SYT9: variants seen among roughly 807,000 people sequenced by gnomAD.
SYT9 encodes synaptotagmin 9.
Under a neutral mutation model 48.4 loss-of-function variants are expected in SYT9, and 22 were observed. The observed-to-expected ratio is 0.45, with a 90% CI of 0.32 to 0.65. The LOEUF is 0.65. Ranked by LOEUF, SYT9 falls within the 30% of genes least tolerant of loss-of-function variation. The probability of loss-of-function intolerance (pLI) is 0.03; values close to 1 mark genes in which losing one functional copy is unlikely to be tolerated. For synonymous variants in SYT9, 265 were observed against 245.0 expected (o/e 1.08, Z -0.76); for missense variants, 577 against 622.0 (o/e 0.93, Z 0.77).
intron 6 of SYT9, chr11:7,444,400 T>G (rs537880702): frequency 5.3e-5 from 8 of 152,328 alleles, no homozygotes; most frequent in African/African-American, 1.9e-4. Context: ...CTGCAATGTA[T>G]TTTGCTTAAA....
intron 1 of SYT9, among the ~76,000 whole-genome samples, chr11:7,291,238 G>C (rs1848691986): frequency 6.6e-6 from 1 of 152,188 alleles, no homozygotes; most frequent in South Asian, 2.1e-4. Flanking sequence ...GCTGGGAAGA[G>C]AGTGGAGGAG....
chr11:7,245,763 T>G (rs565280760), intron 1 of SYT9, among the ~76,000 whole-genome samples: 1 of 152,156 alleles, frequency 6.6e-6, no homozygotes, highest in Non-Finnish European at 1.5e-5. Flanking sequence ...ACAGCATAAT[T>G]CTACCCATGC....
At chr11:7,338,804 G>A (rs891389387) in intron 3 of SYT9, among the ~76,000 whole-genome samples, 1 of 152,074 alleles carries the variant, frequency 6.6e-6, no homozygotes, top group Non-Finnish European at 1.5e-5. Flanking sequence ...GTAGTGATGA[G>A]AAGAATATAT....
chr11:7,295,603 C>T (rs1848786953), intron 1 of SYT9, among the ~76,000 whole-genome samples: 2 of 152,160 alleles, frequency 1.3e-5, no homozygotes, highest in African/African-American at 4.8e-5. Flanking sequence ...GCAGTGTAAG[C>T]TTTTTCAAGC....
At chr11:7,431,536 G>C (rs1046113385) in intron 6 of SYT9, among the ~76,000 whole-genome samples, 2 of 152,238 alleles carry the variant, frequency 1.3e-5, no homozygotes, top group African/African-American at 4.8e-5. Flanking sequence ...AGGGAGCCAG[G>C]TGCTAACATC....
intron 3 of SYT9, among the ~76,000 whole-genome samples, chr11:7,387,297 TTAAAG>T (rs1307661364): frequency 1.3e-5 from 2 of 151,814 alleles, no homozygotes; most frequent in East Asian, 3.9e-4. Flanking sequence ...ACCCTAAAAC[TTAAAG>T]TATAATAAAA....
chr11:7,426,835 A>G (rs1847467024), intron 6 of SYT9, among the ~76,000 whole-genome samples: 1 of 152,164 alleles, frequency 6.6e-6, no homozygotes, highest in South Asian at 2.1e-4. Flanking sequence ...TCCTCTCAGC[A>G]TGTAAGGAAA....
At chr11:7,418,217 C>G in intron 5 of SYT9, 89 bp downstream of exon 5, 2 of 1,427,488 alleles carry the variant, frequency 1.4e-6, no homozygotes, top group African/African-American at 1.4e-5. Flanking sequence ...AGATTCTTAC[C>G]TGGTGTCCCA....
chr11:7,300,172 C>G (rs1848892976), intron 1 of SYT9, among the ~76,000 whole-genome samples: 1 of 151,228 alleles, frequency 6.6e-6, no homozygotes. Context: ...ACTTAATACA[C>G]TAAATATTTA....
chr11:7,281,548 A>G (rs375719472), intron 1 of SYT9, among the ~76,000 whole-genome samples: 1 of 152,164 alleles, frequency 6.6e-6, no homozygotes, highest in Non-Finnish European at 1.5e-5. Flanking sequence ...TCAGTTTGCA[A>G]TTAAAATTCG....
intron 3 of SYT9, among the ~76,000 whole-genome samples, chr11:7,395,433 G>C (rs1846733793): frequency 6.6e-6 from 1 of 152,010 alleles, no homozygotes; most frequent in African/African-American, 2.4e-5. Flanking sequence ...TCTGTCTAAT[G>C]CTTCTTGGTG....
At position 7,303,136 on chromosome 11, in the gene SYT9, G is replaced by T; in HGVS notation, c.243G>T (p.Pro81=). ...TATCTTGGAAACTCTGCTGGGTTCCGTGGCGAGAACGAGGCCTGCCCTCTG... is the reference window on the plus strand; with the variant it reads ...TATCTTGGAAACTCTGCTGGGTTCCTTGGCGAGAACGAGGCCTGCCCTCTG... ...LFVSWKLCWV[P]WRERGLPSGS... is the part of the protein sequence containing the mutation. The change falls in exon 2 of 7, where the codon CCG becomes CCT. Residue 81 remains proline, a synonymous_variant. Transcript: ENST00000318881. 1.2e-6 allele frequency: 2 copies of T among 1,614,152 alleles called. No individual in the cohort carries two copies. Among genetic ancestry groups the T allele is most frequent in the Non-Finnish European group, 1.7e-6 (2 of 1,180,032 alleles).
At chr11:7,368,664 C>A (rs1028629982) in intron 3 of SYT9, among the ~76,000 whole-genome samples, 6 of 152,158 alleles carry the variant, frequency 3.9e-5, no homozygotes, top group African/African-American at 1.4e-4. Flanking sequence ...TGGCTTCCAG[C>A]TTCACCCATG....
Position 7,420,487 on chromosome 11 carries a change from T to C in SYT9, c.1338-19T>C, listed in dbSNP as rs1040919133. On this transcript the variant is annotated intron_variant, in intron 5 of 6. Coordinates refer to ENST00000318881, the MANE Select transcript of SYT9 (RefSeq NM_175733.4). Reference sequence around the variant, plus strand: ...ATACCAAAATTTTAAGAAAAAACTATTGTGGGCCATTTTCACAGTGTAGGT... The same window carrying C: ...ATACCAAAATTTTAAGAAAAAACTACTGTGGGCCATTTTCACAGTGTAGGT... 6.2e-7 allele frequency: 1 copy of C among 1,613,336 alleles called. No homozygotes were observed. The highest frequency in any genetic ancestry group is 2.2e-5 in the East Asian group (1 of 44,862).
intron 3 of SYT9, among the ~76,000 whole-genome samples, chr11:7,315,648 C>T (rs7947076): frequency 0.2 from 30,378 of 152,164 alleles, 3,524 homozygotes; most frequent in Non-Finnish European, 0.26. Context: ...ACGTTGACTG[C>T]GCAGTGGCTG....
chr11:7,302,921 C>G (rs1848950140), intron 1 of SYT9, 118 bp from the exon 2 acceptor site: 1 of 892,752 alleles, frequency 1.1e-6, no homozygotes. Flanking sequence ...CCCAGCATGG[C>G]CTTCCGCAGT....
intron 3 of SYT9, among the ~76,000 whole-genome samples, chr11:7,319,192 C>CTTTTTTTTTTTTTTT (rs71056795): frequency 4.6e-5 from 4 of 86,184 alleles, no homozygotes; most frequent in African/African-American, 1.3e-4. Context: ...TCTTCTTTTT[C>CTTTTTTTTTTTTTTT]TTTTTTTTTT....
intron 6 of SYT9, among the ~76,000 whole-genome samples, chr11:7,432,547 CAAAAAAAA>C (rs67650978): frequency 1.8e-3 from 31 of 16,906 alleles, no homozygotes; most frequent in East Asian, 4.8e-3. Flanking sequence ...GACTCCATCT[CAAAAAAAA>C]AAAAAAAAAA....
At chr11:7,373,443 C>T (rs951211315) in intron 3 of SYT9, among the ~76,000 whole-genome samples, 19 of 152,188 alleles carry the variant, frequency 1.2e-4, no homozygotes, top group Non-Finnish European at 1.3e-4. Context: ...TGGCATATGT[C>T]GAGCTCTGGA....
Sources: gnomAD v4.1 joint callset for allele counts (sites outside exome capture counted in the v4.1 genomes callset) on GRCh38, gnomAD v4.1.1 for gene constraint, MANE v1.5 for transcripts, NCBI Gene and HGNC (gene_info 2026-07-23, HGNC 2026-07-21) for gene names.